The following SCN8A variants were observed in gnomAD, a reference collection of about 807,000 sequenced individuals.
The protein encoded by SCN8A is sodium channel protein type 8 subunit alpha.
Under a neutral mutation model 184.1 loss-of-function variants are expected in SCN8A, and 30 were observed. The observed-to-expected ratio is 0.16, with a 90% confidence interval of 0.12 to 0.22. SCN8A has a LOEUF of 0.22. Among genes scored for constraint, SCN8A ranks in the 10% least tolerant of loss-of-function variants. The pLI, the probability that SCN8A is intolerant of heterozygous loss-of-function variation, is 1.00. For synonymous variants in SCN8A, 852 were observed against 907.0 expected, an observed-to-expected ratio of 0.94 and a Z score of 1.09; for missense variants, 1,057 against 2,498.9, an observed-to-expected ratio of 0.42 and a Z score of 12.30.
At chr12:51,633,986 C>T (rs915236448) in intron 1 of SCN8A, among the ~76,000 whole-genome samples, 7 of 152,158 alleles carry the variant, frequency 4.6e-5, no homozygotes, top group African/African-American at 1.7e-4. Context: ...TATGTGGGCA[C>T]ATGGCAATCT....
intron 2 of SCN8A, among the ~76,000 whole-genome samples, chr12:51,683,918 G>T (rs1043925904): frequency 9.9e-5 from 15 of 152,132 alleles, no homozygotes; most frequent in African/African-American, 3.4e-4. Context: ...GATTCAAATG[G>T]CCTGTTTCTG....
chr12:51,780,813 A>G, intron 21 of SCN8A, 42 bp downstream of exon 21: 1 of 1,536,446 alleles, frequency 6.5e-7, no homozygotes. Context: ...ATGCCAGTGG[A>G]AACTGTTTAA....
chr12:51,745,875 A>G lies in SCN8A; in HGVS notation c.1999-28A>G, dbSNP rs767050380. ...TACCTTTATAGACTTAACTCACTCT[A>G]TTTGCTTTTCTTTTTTTTTTTTTAA... is the stretch of plus-strand genomic sequence containing the variant. On this transcript the variant is annotated intron_variant, in intron 12 of 26. Transcript: ENST00000627620. The G allele has an allele frequency of 5.2e-6, 8 of 1,529,426 alleles. No individual in the cohort carries two copies. The South Asian group carries it at 9.1e-5, about 17-fold the overall frequency. 94.7% of individuals were successfully genotyped at this position (1,529,426 alleles called of 1,614,324 possible).
chr12:51,778,116 A>T (rs1487495207), intron 20 of SCN8A, among the ~76,000 whole-genome samples: 1 of 152,138 alleles, frequency 6.6e-6, no homozygotes, highest in Non-Finnish European at 1.5e-5. Flanking sequence ...TTAGGCAGAC[A>T]TTGAACTCTG....
At chr12:51,644,307 C>T (rs976719313) in intron 1 of SCN8A, among the ~76,000 whole-genome samples, 1 of 152,130 alleles carries the variant, frequency 6.6e-6, no homozygotes, top group African/African-American at 2.4e-5. Flanking sequence ...GGGTTTGAAT[C>T]CCACTGTGGG....
intron 25 of SCN8A, among the ~76,000 whole-genome samples, chr12:51,792,119 G>A (rs554233790): frequency 6.6e-6 from 1 of 151,944 alleles, no homozygotes; most frequent in African/African-American, 2.4e-5. Context: ...TAACTAGAGG[G>A]CTATAAGTGG....
chr12:51,653,085 C>T (rs201364375), intron 1 of SCN8A, among the ~76,000 whole-genome samples: 5 of 152,178 alleles, frequency 3.3e-5, no homozygotes, highest in Non-Finnish European at 5.9e-5. Context: ...TTTGGGAGGC[C>T]GAGGTGAGTG....
chr12:51,778,860 G>C (rs941738738), intron 20 of SCN8A, among the ~76,000 whole-genome samples: 1 of 152,050 alleles, frequency 6.6e-6, no homozygotes, highest in Non-Finnish European at 1.5e-5. Context: ...CTTCCCAGTA[G>C]GAAGAATTTA....
intron 1 of SCN8A, among the ~76,000 whole-genome samples, chr12:51,596,586 G>A (rs1193827470): frequency 6.6e-6 from 1 of 152,220 alleles, no homozygotes; most frequent in Middle Eastern, 3.4e-3. Flanking sequence ...TAGTGAGTGG[G>A]TATAATGAAA....
At chr12:51,765,312 A>C (rs1942821783) in intron 15 of SCN8A, among the ~76,000 whole-genome samples, 1 of 152,090 alleles carries the variant, frequency 6.6e-6, no homozygotes, top group Non-Finnish European at 1.5e-5. Context: ...CCTACAAATC[A>C]CATTTTATTT....
intron 14 of SCN8A, among the ~76,000 whole-genome samples, chr12:51,753,138 A>G (rs1044149498): frequency 6.6e-6 from 1 of 152,218 alleles, no homozygotes; most frequent in Admixed American, 6.5e-5. Context: ...GCTCAGAACC[A>G]TCAGTAAAAA....
chr12:51,747,969 C>G (rs1326942360), intron 13 of SCN8A, among the ~76,000 whole-genome samples: 1 of 152,104 alleles, frequency 6.6e-6, no homozygotes, highest in Non-Finnish European at 1.5e-5. Flanking sequence ...TTCCTAAGCC[C>G]TGATTTTCAC....
intron 2 of SCN8A, among the ~76,000 whole-genome samples, chr12:51,679,560 C>T (rs1941289531): frequency 6.6e-6 from 1 of 152,140 alleles, no homozygotes; most frequent in African/African-American, 2.4e-5. Flanking sequence ...ACTGTATGGC[C>T]TACAAAGCCT....
intron 14 of SCN8A, among the ~76,000 whole-genome samples, chr12:51,759,607 G>C (rs1322043687): frequency 1.3e-5 from 2 of 152,168 alleles, no homozygotes; most frequent in South Asian, 2.1e-4. Context: ...AACCACAGAT[G>C]GGGGGTACTT....
At chr12:51,722,684 T>C (rs957682871) in intron 12 of SCN8A, 1 of 151,716 alleles carries the variant, frequency 6.6e-6, no homozygotes, top group East Asian at 1.9e-4. Flanking sequence ...AAGTGGGAGG[T>C]TGGGGCAAGA....
In SCN8A at chr12:51,809,313, A is replaced by G. The variant is rs1317637450; in HGVS notation, c.*1884A>G. The G allele has an allele frequency of 6.6e-6, 1 of 152,234 alleles. No homozygotes were observed. Among genetic ancestry groups the G allele is most frequent in the East Asian group, 1.9e-4 (1 of 5,200 alleles). The allele number at this position is 152,234 out of a possible 1,614,324, so 9.4% of individuals were successfully genotyped here. A position where few individuals can be genotyped will look rare whatever the true frequency, so the allele number is the denominator to read the frequency against. On this transcript the variant is annotated 3_prime_UTR_variant, in exon 27 of 27. Coordinates refer to ENST00000627620, the MANE Select transcript of SCN8A (RefSeq NM_001330260.2). ...TTTAGCATGTGAACCAAATCCAAATAAATTCTTCCTGAACCATACACTAGA... is the reference window on the plus strand; with the variant it reads ...TTTAGCATGTGAACCAAATCCAAATGAATTCTTCCTGAACCATACACTAGA...
At chr12:51,744,282 G>A (rs962546448) in intron 12 of SCN8A, among the ~76,000 whole-genome samples, 4 of 152,188 alleles carry the variant, frequency 2.6e-5, no homozygotes, top group Non-Finnish European at 5.9e-5. Flanking sequence ...CAGCCCGAGC[G>A]ACAGAGCAGA....
At chr12:51,615,219 T>A (rs1029150549) in intron 1 of SCN8A, among the ~76,000 whole-genome samples, 1 of 152,182 alleles carries the variant, frequency 6.6e-6, no homozygotes, top group African/African-American at 2.4e-5. Context: ...AAGTGTTCAG[T>A]CTACTTAGAA....
rs11327450 is a variant in SCN8A, at chr12:51,762,758, AT to A, written c.2544+85del. ...GAGTTCTGCATAAATTAATTTGATG[AT>A]TTAAAAAATATATTAGCTGTATTTT... On this transcript the variant is annotated intron_variant, in intron 15 of 26. Coordinates refer to ENST00000627620, the MANE Select transcript of SCN8A (RefSeq NM_001330260.2). The A allele has an allele frequency of 2.1e-3, 2,588 of 1,256,622 alleles. 39 individuals are homozygous for A. In the African/African-American group the frequency reaches 0.036, roughly 17 times the overall value. The allele number at this position is 1,256,622 out of a possible 1,614,324, so 77.8% of individuals were successfully genotyped here.
Sources: gnomAD v4.1 joint callset for allele counts (sites outside exome capture counted in the v4.1 genomes callset) on GRCh38, gnomAD v4.1.1 for gene constraint, MANE v1.5 for transcripts, NCBI Gene and HGNC (gene_info 2026-07-23, HGNC 2026-07-21) for gene names.